Variants in BRWD3 observed in about 807,000 individuals in gnomAD.
BRWD3 encodes the protein bromodomain and WD repeat domain containing 3, also known as bromodomain and WD repeat-containing protein 3.
A neutral mutation model predicts 149.7 loss-of-function variants in BRWD3; 10 were observed. The ratio of observed to expected loss-of-function variants is 0.07; its 90% confidence interval spans 0.04 to 0.11. The LOEUF is 0.11. Among genes scored for constraint, BRWD3 ranks in the 10% least tolerant of loss-of-function variants. The pLI, the probability that BRWD3 is intolerant of heterozygous loss-of-function variation, is 1.00. For synonymous variants in BRWD3, 504 were observed against 456.7 expected, an observed-to-expected ratio of 1.10 and a Z score of -1.32; for missense variants, 940 against 1,373.2, an observed-to-expected ratio of 0.68 and a Z score of 4.99.
chrX:80,733,595 GTTTT>G, intron 11 of BRWD3, 99 bp from the exon 12 acceptor site: 1 of 482,539 alleles, frequency 2.1e-6, no homozygotes, highest in Non-Finnish European at 3.3e-6. Flanking sequence ...TCATGAAGTA[GTTTT>G]TTTTTTTTTT....
At chrX:80,717,301 A>G in intron 19 of BRWD3, 1 of 338,798 alleles carries the variant, frequency 3.0e-6, no homozygotes, top group Non-Finnish European at 5.2e-6. Flanking sequence ...AGTTCTTAAT[A>G]CTACTTGTAT....
chrX:80,697,275 G>A (rs1386368618), intron 25 of BRWD3, among the ~76,000 whole-genome samples: 1 of 111,053 alleles, frequency 9.0e-6, no homozygotes, highest in Admixed American at 9.6e-5. Context: ...ACATGTTTGG[G>A]GTGAAGACTT....
chrX:80,740,831 A>G (rs2073477529), intron 8 of BRWD3, among the ~76,000 whole-genome samples: 1 of 112,219 alleles, frequency 8.9e-6, no homozygotes, highest in Admixed American at 9.4e-5. Context: ...AGACACACAC[A>G]TACTAACTCT....
intron 8 of BRWD3, among the ~76,000 whole-genome samples, chrX:80,741,233 A>T (rs1254343141): frequency 2.7e-5 from 3 of 111,990 alleles, no homozygotes; most frequent in African/African-American, 9.7e-5. Context: ...TGCAAAGGAC[A>T]TGAACTCATC....
intron 4 of BRWD3, among the ~76,000 whole-genome samples, chrX:80,794,539 A>C (rs1028082429): frequency 9.1e-6 from 1 of 109,502 alleles, no homozygotes; most frequent in African/African-American, 3.3e-5. Context: ...ATATATATAT[A>C]TCTCTATATG....
At chrX:80,719,749 A>G in intron 17 of BRWD3, 93 bp from the exon 18 acceptor site, 1 of 844,822 alleles carries the variant, frequency 1.2e-6, no homozygotes, top group Admixed American at 2.3e-5. Flanking sequence ...TACACAAATG[A>G]TTAAAAACAG....
At chrX:80,733,893 A>G (rs1384674517) in intron 11 of BRWD3, among the ~76,000 whole-genome samples, 1 of 111,611 alleles carries the variant, frequency 9.0e-6, no homozygotes, top group East Asian at 2.8e-4. Context: ...TCATTTATTT[A>G]ATTATTTTCC....
At position 80,809,341 on chromosome X, in the gene BRWD3, T is replaced by C. The variant is rs377425620; in HGVS notation, c.32-37A>G. 17 of 1,162,752 alleles carry C rather than the reference T, an allele frequency of 1.5e-5. No homozygotes were observed. The South Asian group carries it at 2.3e-4, about 15-fold the overall frequency. ...GGGGGAAAAGAGGTTCAGAGGGAGGTAGAGAAGAGAAATAGAAGCTTTTTC... is the reference window on the plus strand; with the variant it reads ...GGGGGAAAAGAGGTTCAGAGGGAGGCAGAGAAGAGAAATAGAAGCTTTTTC... On this transcript the variant is annotated intron_variant, in intron 1 of 40. Transcript: ENST00000373275.
intron 20 of BRWD3, among the ~76,000 whole-genome samples, chrX:80,711,137 A>G (rs1196900896): frequency 8.9e-6 from 1 of 112,192 alleles, no homozygotes; most frequent in Non-Finnish European, 1.9e-5. Flanking sequence ...GTGTTTATTT[A>G]GTTCTGCTCA....
At chrX:80,758,680 C>A (rs2073771014) in intron 6 of BRWD3, among the ~76,000 whole-genome samples, 1 of 110,602 alleles carries the variant, frequency 9.0e-6, no homozygotes, top group East Asian at 2.8e-4. Context: ...TATGGTGGTG[C>A]CTGTAGTCTC....
rs1226661560 is a variant in BRWD3 at position 80,691,078 on chromosome X, G to A, written c.3577C>T (p.Arg1193Trp). Residue 1193 changes from arginine (R) to tryptophan (W), a missense_variant, in exon 31 of 41, where the codon CGG becomes TGG. Transcript: ENST00000373275. ...AYPTDLNTIR[R>W]RLENRFYRRI... ...CTGTAAAAGCGATTTTCAAGTCTCC[G>A]CCTGATGGTATTGAGGTCAGTTGGA... is the stretch of plus-strand genomic sequence containing the variant. 1.9e-5 allele frequency: 23 copies of A among 1,208,979 alleles called. No homozygotes were observed. Among genetic ancestry groups the A allele is most frequent in the Non-Finnish European group, 2.3e-5 (21 of 894,001 alleles).
chrX:80,684,781 G>A (rs1261195454), intron 36 of BRWD3, among the ~76,000 whole-genome samples: 3 of 110,798 alleles, frequency 2.7e-5, no homozygotes, highest in Non-Finnish European at 5.7e-5. Context: ...ATTTTCCTAG[G>A]GTTATCAGAT....
chrX:80,726,279 CTG>C (rs1281838878), intron 14 of BRWD3, among the ~76,000 whole-genome samples: 1 of 101,322 alleles, frequency 9.9e-6, no homozygotes, highest in African/African-American at 3.6e-5. Context: ...CATGTTATGT[CTG>C]TATAACATAT....
intron 4 of BRWD3, among the ~76,000 whole-genome samples, chrX:80,804,943 A>C (rs761761758): frequency 8.9e-6 from 1 of 112,391 alleles, no homozygotes; most frequent in African/African-American, 3.2e-5. Flanking sequence ...TGGAAAATTT[A>C]GAGTGTTATA....
intron 6 of BRWD3, among the ~76,000 whole-genome samples, chrX:80,786,026 C>T (rs1486656726): frequency 9.0e-6 from 1 of 111,382 alleles, no homozygotes; most frequent in African/African-American, 3.3e-5. Context: ...AAGACTCTGT[C>T]TCAAAAGAAG....
intron 18 of BRWD3, 123 bp from the exon 19 acceptor site, chrX:80,717,882 G>C: frequency 1.6e-6 from 1 of 610,340 alleles, no homozygotes; most frequent in Non-Finnish European, 2.6e-6. Flanking sequence ...CTATCCCTTT[G>C]TTCTATATTT....
At chrX:80,740,284 A>G (rs866192052) in intron 8 of BRWD3, among the ~76,000 whole-genome samples, 1 of 112,380 alleles carries the variant, frequency 8.9e-6, no homozygotes, top group Admixed American at 9.5e-5. Context: ...AAAAATTTTA[A>G]TATTTCTCTG....
chrX:80,723,525 A>T (rs2073179376), intron 16 of BRWD3, among the ~76,000 whole-genome samples: 1 of 110,336 alleles, frequency 9.1e-6, no homozygotes, highest in East Asian at 2.9e-4. Flanking sequence ...GAATGTTTAT[A>T]TCTTCATCAC....
chrX:80,672,273 A>G lies in BRWD3; in HGVS notation c.*4336T>C, dbSNP rs1385912251. The G allele has an allele frequency of 9.2e-6, 1 of 109,040 alleles. No homozygotes were observed. Among genetic ancestry groups the G allele is most frequent in the East Asian group, 2.9e-4 (1 of 3,452 alleles). 9.0% of individuals were successfully genotyped at this position (109,040 alleles called of 1,213,427 possible). ...TGGCAGAAAGAAAAGTGAGGATAAA[A>G]GTAAGCAGGATTGAAAAGATGAAAA... On this transcript the variant is annotated 3_prime_UTR_variant, in exon 41 of 41. Coordinates refer to ENST00000373275, the MANE Select transcript of BRWD3 (RefSeq NM_153252.5).
Sources: allele counts gnomAD v4.1 joint callset (sites outside exome capture counted in the v4.1 genomes callset), GRCh38; gene constraint gnomAD v4.1.1; transcripts MANE v1.5; gene names NCBI Gene and HGNC (gene_info 2026-07-23, HGNC 2026-07-21).